Variants in ATP13A5 observed in about 807,000 individuals in gnomAD.
ATP13A5 encodes the protein ATPase 13A5, also known as probable cation-transporting ATPase 13A5.
In ATP13A5, 149 loss-of-function variants were observed where a neutral mutation model predicts 150.2. The observed-to-expected ratio is 0.99, with a 90% confidence interval of 0.87 to 1.14. The LOEUF (loss-of-function observed/expected upper bound fraction) is 1.14. ATP13A5 is among the 50% of genes most tolerant of loss of function. The probability of loss-of-function intolerance (pLI) is 0.00; values close to 1 mark genes in which losing one functional copy is unlikely to be tolerated. For synonymous variants in ATP13A5, 497 were observed against 522.2 expected (o/e 0.95, Z 0.66); for missense variants, 1,383 against 1,449.3 (o/e 0.95, Z 0.74).
At position 193,279,353 on chromosome 3, in the gene ATP13A5, G is replaced by C. The variant is rs1717374275; in HGVS notation, c.3315+13C>G. 6.2e-7 allele frequency: 1 copy of C among 1,602,336 alleles called. No homozygotes were observed. Among genetic ancestry groups the C allele is most frequent in the Non-Finnish European group, 8.6e-7 (1 of 1,169,508 alleles). ...CATGAGTCATGCCAGATGTGCAAATGAATGCCACTTACCTCCATTCCACGG... is the reference window on the plus strand; with the variant it reads ...CATGAGTCATGCCAGATGTGCAAATCAATGCCACTTACCTCCATTCCACGG... On this transcript the variant is annotated intron_variant, in intron 28 of 29. Transcript: ENST00000342358.
intron 29 of ATP13A5, among the ~76,000 whole-genome samples, 153 bp downstream of exon 29, chr3:193,276,597 A>C (rs767216107): frequency 2.0e-5 from 3 of 152,156 alleles, no homozygotes; most frequent in Non-Finnish European, 4.4e-5. Context: ...TCCCCCCAAA[A>C]TTTTCCTCCA....
In ATP13A5 at chr3:193,338,446, C is replaced by T. The variant is rs550508833; in HGVS notation, c.944-3347G>A. Among the ~76,000 whole-genome samples the T allele has an allele frequency of 1.9e-3, 284 of 152,188 alleles. 1 individual carries two copies. The highest frequency in any genetic ancestry group is 6.5e-3 in the African/African-American group (271 of 41,548). ...TATTGAAAGTTTTTAGCATGAAGGG[C>T]TGTTGAATTTTATGGAAGGACTTTT... is the stretch of plus-strand genomic sequence containing the variant. On this transcript the variant is annotated intron_variant, in intron 9 of 29. Coordinates refer to ENST00000342358, the MANE Select transcript of ATP13A5 (RefSeq NM_198505.4).
intron 9 of ATP13A5, 114 bp downstream of exon 9, chr3:193,343,813 C>A (rs894826049): frequency 7.9e-7 from 1 of 1,257,886 alleles, no homozygotes; most frequent in Non-Finnish European, 1.1e-6. Flanking sequence ...CTGGCTGTGT[C>A]TCCCTCACCT....
intron 25 of ATP13A5, among the ~76,000 whole-genome samples, chr3:193,292,397 CT>C (rs1176286194): frequency 1.3e-5 from 2 of 152,098 alleles, no homozygotes; most frequent in Non-Finnish European, 2.9e-5. Context: ...AGTTTCTTGC[CT>C]TTCTTTTACA....
chr3:193,377,685 A>T (rs1713690426), intron 1 of ATP13A5, among the ~76,000 whole-genome samples: 3 of 152,234 alleles, frequency 2.0e-5, no homozygotes, highest in African/African-American at 7.2e-5. Flanking sequence ...CCCAGATCTC[A>T]CAGGGAACCA....
At chr3:193,295,270 T>C (rs745681784) in intron 25 of ATP13A5, among the ~76,000 whole-genome samples, 6 of 152,174 alleles carry the variant, frequency 3.9e-5, no homozygotes, top group East Asian at 3.9e-4. Flanking sequence ...CTCTTGCTCA[T>C]GCTGCTTCCT....
chr3:193,284,283 C>T (rs923031191), intron 27 of ATP13A5, among the ~76,000 whole-genome samples: 5 of 152,016 alleles, frequency 3.3e-5, no homozygotes, highest in African/African-American at 4.8e-5. Flanking sequence ...CCTCAGCCTC[C>T]CAAAGTGCTG....
intron 15 of ATP13A5, 44 bp downstream of exon 15, chr3:193,322,447 T>C (rs747943199): frequency 2.8e-6 from 4 of 1,425,840 alleles, no homozygotes; most frequent in Non-Finnish European, 3.9e-6. Context: ...GTTTTACCAG[T>C]TTTATGGGGA....
chr3:193,280,044 CA>C (rs1440441132), intron 27 of ATP13A5, among the ~76,000 whole-genome samples: 1 of 130,072 alleles, frequency 7.7e-6, no homozygotes, highest in Non-Finnish European at 1.6e-5. Flanking sequence ...CCTGTCTTGG[CA>C]TGCTCCAATT....
chr3:193,341,446 C>T (rs1402086276), intron 9 of ATP13A5, among the ~76,000 whole-genome samples: 7 of 152,224 alleles, frequency 4.6e-5, no homozygotes, highest in East Asian at 1.9e-4. Flanking sequence ...GAGAATCCAA[C>T]GGGACTTAGA....
chr3:193,372,372 G>T (rs1237608395), intron 1 of ATP13A5: 1 of 143,034 alleles, frequency 7.0e-6, no homozygotes, highest in African/African-American at 2.6e-5. Context: ...CCCTACTTTT[G>T]TTCTCCACAG....
At chr3:193,291,088 T>G (rs1230950383) in intron 25 of ATP13A5, among the ~76,000 whole-genome samples, 1 of 152,126 alleles carries the variant, frequency 6.6e-6, no homozygotes, top group East Asian at 1.9e-4. Context: ...CTCTATAGTA[T>G]TTCTTTGCTT....
At chr3:193,342,541 G>A (rs752640614) in intron 9 of ATP13A5, among the ~76,000 whole-genome samples, 1 of 152,162 alleles carries the variant, frequency 6.6e-6, no homozygotes, top group Non-Finnish European at 1.5e-5. Context: ...TGATGAGTTC[G>A]TTTTTCCAAA....
At chr3:193,371,157 G>A (rs541138936) in intron 1 of ATP13A5, among the ~76,000 whole-genome samples, 7 of 152,278 alleles carry the variant, frequency 4.6e-5, no homozygotes, top group African/African-American at 1.4e-4. Context: ...ATTTGCCCTA[G>A]ATCAAGGGCA....
At chr3:193,361,528 C>T (rs539762687) in intron 5 of ATP13A5, among the ~76,000 whole-genome samples, 12 of 152,034 alleles carry the variant, frequency 7.9e-5, no homozygotes, top group African/African-American at 1.4e-4. Context: ...TGTTTCTGGC[C>T]GACTGTAAAG....
At chr3:193,312,001 T>C in intron 19 of ATP13A5, 60 bp from the exon 20 acceptor site, 1 of 1,578,834 alleles carries the variant, frequency 6.3e-7, no homozygotes, top group Non-Finnish European at 8.6e-7. Flanking sequence ...TGCTTTCCTA[T>C]GCGTTATTGA....
At position 193,335,237 on chromosome 3, in the gene ATP13A5, A is replaced by T. The variant is rs919333909; in HGVS notation, c.944-138T>A. 19 of 708,290 alleles carry T rather than the reference A, an allele frequency of 2.7e-5. No individual in the cohort carries two copies. In the African/African-American group the frequency reaches 3.2e-4, roughly 12 times the overall value. The allele number at this position is 708,290 out of a possible 1,614,324, so 43.9% of individuals were successfully genotyped here. A position where few individuals can be genotyped will look rare whatever the true frequency, so the allele number is the denominator to read the frequency against. On this transcript the variant is annotated intron_variant, in intron 9 of 29. Coordinates refer to ENST00000342358, the MANE Select transcript of ATP13A5 (RefSeq NM_198505.4). ...CATCCCATGAGTCAGATGACTGTTCATAGAGATGCTGGTGGTACAAGCAAT... is the reference window on the plus strand; with the variant it reads ...CATCCCATGAGTCAGATGACTGTTCTTAGAGATGCTGGTGGTACAAGCAAT...
At chr3:193,316,106 A>T (rs576920200) in intron 17 of ATP13A5, among the ~76,000 whole-genome samples, 5 of 152,114 alleles carry the variant, frequency 3.3e-5, no homozygotes, top group Non-Finnish European at 1.5e-5. Flanking sequence ...GATGTCTTTC[A>T]GTTTCATTCA....
chr3:193,364,404 G>A lies in ATP13A5; in HGVS notation c.64-124C>T, dbSNP rs528564770. 27 of 1,198,702 alleles carry A rather than the reference G, an allele frequency of 2.3e-5. No homozygotes were observed. In the South Asian group the frequency reaches 4.0e-4, roughly 18 times the overall value. 74.3% of individuals were successfully genotyped at this position (1,198,702 alleles called of 1,614,324 possible). A position where few individuals can be genotyped will look rare whatever the true frequency, so the allele number is the denominator to read the frequency against. Reference sequence around the variant, plus strand: ...CTGGGAGACAAATCTGGTTATAGGTGGTTAAATCAAGTTGACTGCTTGCAG... The same window carrying A: ...CTGGGAGACAAATCTGGTTATAGGTAGTTAAATCAAGTTGACTGCTTGCAG... On this transcript the variant is annotated intron_variant, in intron 1 of 29. Coordinates refer to ENST00000342358, the MANE Select transcript of ATP13A5 (RefSeq NM_198505.4).
Sources: gnomAD v4.1 joint callset for allele counts (sites outside exome capture counted in the v4.1 genomes callset) on GRCh38, gnomAD v4.1.1 for gene constraint, MANE v1.5 for transcripts, NCBI Gene and HGNC (gene_info 2026-07-23, HGNC 2026-07-21) for gene names.